The following KDM5B variants were observed in gnomAD, a reference collection of about 807,000 sequenced individuals.
KDM5B encodes the protein lysine-specific demethylase 5B.
A neutral mutation model predicts 193.4 loss-of-function variants in KDM5B; 144 were observed. The ratio of observed to expected loss-of-function variants is 0.74; its 90% CI spans 0.65 to 0.86. KDM5B has a LOEUF of 0.86. Ranked by LOEUF, KDM5B falls within the 40% of genes least tolerant of loss-of-function variation. KDM5B has a pLI of 0.00. For synonymous variants in KDM5B, 668 were observed against 682.6 expected, an observed-to-expected ratio of 0.98 and a Z score of 0.33; for missense variants, 1,833 against 1,886.9, an observed-to-expected ratio of 0.97 and a Z score of 0.53.
At chr1:202,740,097 C>T (rs1298556227) in intron 20 of KDM5B, among the ~76,000 whole-genome samples, 1 of 143,902 alleles carries the variant, frequency 6.9e-6, no homozygotes, top group East Asian at 2.1e-4. Flanking sequence ...GCTGGCCGGG[C>T]ATGGGGCTGA....
rs565177018 is a variant in KDM5B, at chr1:202,803,591, A to AG, written c.204+4510dup. On this transcript the variant is annotated intron_variant, in intron 1 of 26. Transcript: ENST00000367265. ...GTAATCCCAGCACTTTGGGAGGCCG[A>AG]GGTGGGTGGATCACCTGAGGTCAGG... Among the ~76,000 whole-genome samples, 780 of 151,944 alleles carry AG rather than the reference A, an allele frequency of 5.1e-3. 9 individuals carry two copies. The highest frequency in any genetic ancestry group is 0.018 in the African/African-American group (746 of 41,438).
intron 10 of KDM5B, among the ~76,000 whole-genome samples, chr1:202,755,872 T>A (rs1655988635): frequency 6.6e-6 from 1 of 151,998 alleles, no homozygotes; most frequent in South Asian, 2.1e-4. Flanking sequence ...CTTGTTTTAG[T>A]TAGTGCTGGT....
intron 19 of KDM5B, 108 bp from the exon 20 acceptor site, chr1:202,740,920 T>G (rs1372171038): frequency 5.2e-6 from 6 of 1,144,372 alleles, no homozygotes; most frequent in Non-Finnish European, 7.4e-6. Context: ...GGCAAATAAT[T>G]TTTTTCAAAT....
intron 1 of KDM5B, among the ~76,000 whole-genome samples, chr1:202,792,584 T>C (rs953658358): frequency 2.6e-5 from 4 of 152,150 alleles, no homozygotes; most frequent in African/African-American, 9.7e-5. Flanking sequence ...TACTGATAAG[T>C]AGATAAAACA....
At chr1:202,779,847 A>ATAAAT (rs199618695) in intron 1 of KDM5B, among the ~76,000 whole-genome samples, 5 of 148,050 alleles carry the variant, frequency 3.4e-5, no homozygotes, top group South Asian at 4.3e-4. Flanking sequence ...AAATAAATAA[A>ATAAAT]AAATAAAGGA....
chr1:202,756,593 A>G, intron 9 of KDM5B, 77 bp from the exon 10 acceptor site: 1 of 1,125,186 alleles, frequency 8.9e-7, no homozygotes, highest in Non-Finnish European at 1.2e-6. Flanking sequence ...GATGGGAATC[A>G]AAGAACAGCA....
intron 1 of KDM5B, among the ~76,000 whole-genome samples, chr1:202,794,027 G>T (rs891438413): frequency 6.6e-6 from 1 of 152,108 alleles, no homozygotes; most frequent in African/African-American, 2.4e-5. Flanking sequence ...CTCTGAGACA[G>T]GCAAAAGTCT....
intron 1 of KDM5B, chr1:202,806,603 A>G (rs1326996158): frequency 6.6e-6 from 1 of 152,064 alleles, no homozygotes; most frequent in Non-Finnish European, 1.5e-5. Flanking sequence ...TTTCATCTCC[A>G]TTTTCAAACT....
intron 20 of KDM5B, among the ~76,000 whole-genome samples, chr1:202,736,794 A>T (rs1274920964): frequency 6.6e-6 from 1 of 152,058 alleles, no homozygotes. Flanking sequence ...GGCACCCATC[A>T]CCACGCCCAA....
chr1:202,735,532 T>C lies in KDM5B; in HGVS notation c.3320A>G (p.Lys1107Arg). The change falls in exon 22 of 27, where the codon AAG becomes AGG. Residue 1107 changes from lysine to arginine, a missense_variant. Coordinates refer to ENST00000367265, the MANE Select transcript of KDM5B (RefSeq NM_006618.5). ...GLLGLKRKQR[K>R]LKEPLPNGKK... The stretch of plus-strand genomic sequence containing the variant: ...TCCATTTGGCAAGGGCTCCTTTAAC[T>C]TTCTCTGCTTCCTTTTCAATCCCAA... 1 of 1,614,120 alleles carries C rather than the reference T, an allele frequency of 6.2e-7. No homozygotes were observed. Among genetic ancestry groups the C allele is most frequent in the Admixed American group, 1.7e-5 (1 of 60,024 alleles).
chr1:202,783,229 T>C (rs992899583), intron 1 of KDM5B, among the ~76,000 whole-genome samples: 5 of 151,918 alleles, frequency 3.3e-5, no homozygotes, highest in African/African-American at 9.7e-5. Context: ...GATTGCGCCA[T>C]TGCACTCCAG....
At chr1:202,743,354 A>AAC (rs1452636952) in intron 16 of KDM5B, among the ~76,000 whole-genome samples, 6 of 151,666 alleles carry the variant, frequency 4.0e-5, no homozygotes, top group African/African-American at 1.4e-4. Flanking sequence ...AAAAAAAAAA[A>AAC]AAAAAAAAAA....
At chr1:202,731,507 T>TCTC (rs1382102984) in intron 24 of KDM5B, among the ~76,000 whole-genome samples, 1 of 152,154 alleles carries the variant, frequency 6.6e-6, no homozygotes, top group African/African-American at 2.4e-5. Context: ...TCCCTAAGAT[T>TCTC]CTCCACAAGT....
At chr1:202,787,817 G>C (rs1021291340) in intron 1 of KDM5B, among the ~76,000 whole-genome samples, 6 of 151,898 alleles carry the variant, frequency 4.0e-5, no homozygotes, top group African/African-American at 1.5e-4. Context: ...TTGAACCCGG[G>C]AGGTGGAGGT....
chr1:202,741,692 G>A lies in KDM5B; in HGVS notation c.2620C>T (p.Gln874Ter). 6.2e-7 allele frequency: 1 copy of A among 1,611,646 alleles called. No homozygotes were observed. The highest frequency in any genetic ancestry group is 8.5e-7 in the Non-Finnish European group (1 of 1,178,818). The change falls in exon 19 of 27, where the codon CAG becomes TAG. Residue 874 changes from glutamine (Q) to a stop codon, truncating the protein, a stop_gained. Transcript: ENST00000367265. LOFTEE classifies it high-confidence loss of function. ...TCAGAGAGTAGTTTCTGACTATGCTGTTGAAAATCTTCTACACGATTCAAG... is the reference window on the plus strand; with the variant it reads ...TCAGAGAGTAGTTTCTGACTATGCTATTGAAAATCTTCTACACGATTCAAG... ...DLLNRVEDFQQHSQKLLSEET... is the reference protein window; with the variant it reads ...DLLNRVEDFQ
chr1:202,805,797 G>C (rs1164776676), intron 1 of KDM5B, among the ~76,000 whole-genome samples: 2 of 152,172 alleles, frequency 1.3e-5, no homozygotes, highest in Non-Finnish European at 2.9e-5. Flanking sequence ...CTCTTCAAGA[G>C]CTACAACTTC....
At chr1:202,758,299 AGAGT>A in intron 9 of KDM5B, 88 bp downstream of exon 9, 1 of 996,872 alleles carries the variant, frequency 1.0e-6, no homozygotes, top group Non-Finnish European at 1.5e-6. Flanking sequence ...AATGCCTACT[AGAGT>A]GAGGCCTCAA....
At position 202,733,418 on chromosome 1, in the gene KDM5B, C is replaced by A. The variant is rs766536259; in HGVS notation, c.3892G>T (p.Val1298Leu). ...AGATTCACCTTGTTTGTGTCTGACACCTGTCCTGCTGAGGCTTGCCATCTG... is the reference window on the plus strand; with the variant it reads ...AGATTCACCTTGTTTGTGTCTGACAACTGTCCTGCTGAGGCTTGCCATCTG... ...YSRWQASAGQ[V>L]SDTNKVSQPP... The change falls in exon 23 of 27, where the codon GTG (valine) becomes TTG (leucine). Residue 1298 changes from valine to leucine, a missense_variant. Physicochemically the swap from Val to Leu is conservative, Grantham distance 32 (BLOSUM62 1). Transcript: ENST00000367265. 3.8e-5 allele frequency: 61 copies of A among 1,612,144 alleles called. No homozygotes were observed. The highest frequency in any genetic ancestry group is 5.2e-5 in the Non-Finnish European group (61 of 1,178,394).
intron 2 of KDM5B, among the ~76,000 whole-genome samples, chr1:202,775,863 A>AT (rs1386499722): frequency 1.6e-5 from 2 of 122,070 alleles, no homozygotes; most frequent in African/African-American, 6.0e-5. Context: ...TCTCAAAAAA[A>AT]AAAAAAAAAA....
Sources: allele counts gnomAD v4.1 joint callset (sites outside exome capture counted in the v4.1 genomes callset), GRCh38; gene constraint gnomAD v4.1.1; transcripts MANE v1.5; gene names NCBI Gene and HGNC (gene_info 2026-07-23, HGNC 2026-07-21).